ADGRF1: variants seen among roughly 807,000 people sequenced by gnomAD.
ADGRF1 encodes adhesion G protein-coupled receptor F1.
Under a neutral mutation model 87.2 loss-of-function variants are expected in ADGRF1, and 85 were observed. The observed-to-expected ratio is 0.97, with a 90% CI of 0.82 to 1.17. ADGRF1 has a LOEUF of 1.17. ADGRF1 is among the 50% of genes most tolerant of loss of function. The pLI is 0.00. For synonymous variants in ADGRF1, 430 were observed against 408.8 expected, an observed-to-expected ratio of 1.05 and a Z score of -0.63; for missense variants, 1,169 against 1,077.2, an observed-to-expected ratio of 1.09 and a Z score of -1.19.
chr6:47,001,599 T>C (rs1007641124), intron 13 of ADGRF1, 32 bp from the exon 14 acceptor site: 2 of 1,545,282 alleles, frequency 1.3e-6, no homozygotes, highest in South Asian at 1.1e-5. Context: ...CATTTGGACA[T>C]TAATAGCATT....
rs1458531235 is a variant in ADGRF1 at position 46,998,323 on chromosome 6, T to A, written c.*1899A>T. 6.6e-6 allele frequency: 1 copy of A among 152,130 alleles called. No homozygotes were observed. The highest frequency in any genetic ancestry group is 1.5e-5 in the Non-Finnish European group (1 of 68,052). 9.4% of individuals were successfully genotyped at this position (152,130 alleles called of 1,614,324 possible). ...TGTGTAGATTTTTTTGTATTCCAGG[T>A]GGTCATTTGTGACTCCTTCCTCATC... On this transcript the variant is annotated 3_prime_UTR_variant, in exon 15 of 15. Coordinates refer to ENST00000371253, the MANE Select transcript of ADGRF1 (RefSeq NM_153840.4).
At chr6:47,024,373 G>A in intron 4 of ADGRF1, 156 bp from the exon 5 acceptor site, 1 of 594,388 alleles carries the variant, frequency 1.7e-6, no homozygotes, top group Admixed American at 3.2e-5. Flanking sequence ...AGAATACAGT[G>A]GCATGATCTC....
intron 4 of ADGRF1, among the ~76,000 whole-genome samples, chr6:47,024,646 A>G (rs1388021423): frequency 6.6e-6 from 1 of 152,224 alleles, no homozygotes; most frequent in Admixed American, 6.5e-5. Flanking sequence ...TAGCTCTCAC[A>G]TGGAATCTGG....
chr6:47,030,472 C>A (rs1017154276), intron 1 of ADGRF1, among the ~76,000 whole-genome samples: 1 of 151,998 alleles, frequency 6.6e-6, no homozygotes, highest in Non-Finnish European at 1.5e-5. Flanking sequence ...TTCCCGCCTG[C>A]GCTTTCTGCT....
At chr6:47,012,870 A>T in intron 9 of ADGRF1, 3 of 733,988 alleles carry the variant, frequency 4.1e-6, no homozygotes, top group Non-Finnish European at 5.0e-6. Flanking sequence ...CCCAGGTTCA[A>T]GGGATTCTCC....
intron 7 of ADGRF1, chr6:47,018,321 T>C: frequency 9.0e-7 from 1 of 1,111,596 alleles, no homozygotes; most frequent in Non-Finnish European, 1.2e-6. Flanking sequence ...TCCCATTTTA[T>C]AGATAAGAGA....
chr6:47,003,106 G>T (rs892172918), intron 13 of ADGRF1, among the ~76,000 whole-genome samples: 1 of 150,356 alleles, frequency 6.7e-6, no homozygotes, highest in African/African-American at 2.5e-5. Flanking sequence ...TCTCAGCCAA[G>T]GAGATTTCAA....
At chr6:47,010,372 A>C (rs1779670586) in intron 10 of ADGRF1, 54 bp from the exon 11 acceptor site, 1 of 1,401,632 alleles carries the variant, frequency 7.1e-7, no homozygotes. Context: ...AGATAAGAGG[A>C]CCAGCAGTGG....
At chr6:47,026,844 T>C (rs1336391175) in intron 3 of ADGRF1, among the ~76,000 whole-genome samples, 1 of 152,084 alleles carries the variant, frequency 6.6e-6, no homozygotes, top group Non-Finnish European at 1.5e-5. Context: ...CCCCTCTGAG[T>C]GGTGGGACCT....
intron 5 of ADGRF1, 91 bp downstream of exon 5, chr6:47,023,953 C>T (rs1410716343): frequency 8.5e-7 from 1 of 1,180,614 alleles, no homozygotes; most frequent in Non-Finnish European, 1.2e-6. Flanking sequence ...TGTAAACAAA[C>T]ATTGACTAGC....
intron 11 of ADGRF1, 47 bp from the exon 12 acceptor site, chr6:47,007,341 C>CA: frequency 8.3e-7 from 1 of 1,208,544 alleles, no homozygotes; most frequent in Non-Finnish European, 1.2e-6. Flanking sequence ...TTTTCTTTTC[C>CA]AAAAAAGAAA....
chr6:47,031,437 C>A (rs1320383039), intron 1 of ADGRF1, among the ~76,000 whole-genome samples: 3 of 150,782 alleles, frequency 2.0e-5, no homozygotes, highest in Admixed American at 2.0e-4. Context: ...GCTGTAAAGG[C>A]AGCTTGAGAA....
In ADGRF1 at chr6:47,000,304, G is replaced by GAA. The variant is rs538324513; in HGVS notation, c.2660-11_2660-10dup. On this transcript the variant is annotated splice_polypyrimidine_tract_variant and intron_variant, in intron 14 of 14. Coordinates refer to ENST00000371253, the MANE Select transcript of ADGRF1 (RefSeq NM_153840.4). ...AGAAAATGCATAATGGCCTGAAGGG[G>GAA]AAAAAAAAAGGAAATAATTATTGTT... 3.3e-6 allele frequency: 5 copies of GAA among 1,524,966 alleles called. No individual in the cohort carries two copies. The highest frequency in any genetic ancestry group is 4.5e-6 in the Non-Finnish European group (5 of 1,120,094). The allele number at this position is 1,524,966 out of a possible 1,614,324, so 94.5% of individuals were successfully genotyped here. A position where few individuals can be genotyped will look rare whatever the true frequency, so the allele number is the denominator to read the frequency against.
intron 9 of ADGRF1, chr6:47,012,732 A>G (rs1314367376): frequency 2.0e-6 from 2 of 985,426 alleles, no homozygotes; most frequent in Middle Eastern, 5.2e-4. Flanking sequence ...AGATTTGACT[A>G]CTGGGCTTGT....
intron 5 of ADGRF1, among the ~76,000 whole-genome samples, chr6:47,023,451 T>G (rs183051252): frequency 8.5e-5 from 13 of 152,350 alleles, no homozygotes; most frequent in African/African-American, 3.1e-4. Flanking sequence ...AAGTCCTTTA[T>G]GTCCTGGAGT....
chr6:47,003,130 A>G (rs1779409431), intron 13 of ADGRF1, among the ~76,000 whole-genome samples: 1 of 149,968 alleles, frequency 6.7e-6, no homozygotes, highest in African/African-American at 2.4e-5. Context: ...AACCTGAAAA[A>G]CTAGTTGAGG....
rs1779619934 is a variant in ADGRF1, at chr6:47,009,186, G to C, written c.2249C>G (p.Pro750Arg). The C allele has an allele frequency of 6.2e-7, 1 of 1,614,054 alleles. No individual in the cohort carries two copies. Among genetic ancestry groups the C allele is most frequent in the Admixed American group, 1.7e-5 (1 of 59,998 alleles). Residue 750 changes from proline (P) to arginine (R), a missense_variant, in exon 11 of 15, where the codon CCT becomes CGT. By Grantham distance (103) the Pro-to-Arg change is moderately radical. Transcript: ENST00000371253. ...GTTCACAGCCACAATAGCCAGTGCA[G>C]GGACAACAAAAGCCAGGAGTGGTTT... ...GSKPLLAFVV[P>R]ALAIVAVNFV...
intron 1 of ADGRF1, among the ~76,000 whole-genome samples, chr6:47,032,855 T>C (rs1780469426): frequency 6.6e-6 from 1 of 152,108 alleles, no homozygotes; most frequent in Non-Finnish European, 1.5e-5. Context: ...AATGGAGGGA[T>C]CCCAGCTTTG....
chr6:47,019,415 G>A, intron 7 of ADGRF1: 2 of 977,024 alleles, frequency 2.0e-6, no homozygotes, highest in Non-Finnish European at 2.4e-6. Context: ...CAGATGCAGA[G>A]GCTCACACCT....
Sources: allele counts gnomAD v4.1 joint callset (sites outside exome capture counted in the v4.1 genomes callset), GRCh38; gene constraint gnomAD v4.1.1; transcripts MANE v1.5; gene names NCBI Gene and HGNC (gene_info 2026-07-23, HGNC 2026-07-21).